IKZF5: variants seen among roughly 807,000 people sequenced by gnomAD.
IKZF5 encodes IKAROS family zinc finger 5.
In IKZF5, 4 loss-of-function variants were observed where a neutral mutation model predicts 30.7. The observed-to-expected ratio is 0.13, with a 90% CI of 0.06 to 0.30. The LOEUF is 0.30. Ranked by LOEUF, IKZF5 falls within the 10% of genes least tolerant of loss-of-function variation. The probability of loss-of-function intolerance (pLI) is 1.00; values close to 1 mark genes in which losing one functional copy is unlikely to be tolerated. For missense variants in IKZF5, 348 were observed against 525.5 expected, an observed-to-expected ratio of 0.66 and a Z score of 3.30; for synonymous variants, 148 against 179.6, an observed-to-expected ratio of 0.82 and a Z score of 1.41.
At position 122,994,299 on chromosome 10, in the gene IKZF5, CAT is replaced by C; in HGVS notation, c.739_740del (p.Met247GlyfsTer2). 6.2e-7 allele frequency: 1 copy of C among 1,614,036 alleles called. No homozygotes were observed. Among genetic ancestry groups the C allele is most frequent in the Non-Finnish European group, 8.5e-7 (1 of 1,180,002 alleles). On this transcript the variant is annotated frameshift_variant, in exon 5 of 5. Coordinates refer to ENST00000368886, the MANE Select transcript of IKZF5 (RefSeq NM_001372123.1). LOFTEE classifies it high-confidence loss of function. This position sits in a 1 kb window ranked among gnomAD's most constrained non-coding sequence, Gnocchi z 5.6. ...AGAGCTGATTCAAAGGGTTATCAACCATGAGTTCTTGGGGGTCCCTTGGAAGG... is the reference window on the plus strand; with the variant it reads ...AGAGCTGATTCAAAGGGTTATCAACCGAGTTCTTGGGGGTCCCTTGGAAGG... ...GGLPRDPQEL[M>X]VDNPLNQLST...
intron 4 of IKZF5, among the ~76,000 whole-genome samples, chr10:122,995,187 T>C (rs1849317358): frequency 1.3e-5 from 2 of 152,072 alleles, no homozygotes; most frequent in African/African-American, 4.8e-5. Flanking sequence ...TTATATGAAA[T>C]AGAAAGCTCA....
chr10:123,006,750 AC>A (rs1474445088), intron 2 of IKZF5, among the ~76,000 whole-genome samples: 1 of 152,230 alleles, frequency 6.6e-6, no homozygotes, highest in Middle Eastern at 3.2e-3. Flanking sequence ...AGATGTGTTT[AC>A]CCTCCATAGC....
chr10:123,003,244 G>T (rs1248166555), intron 2 of IKZF5, among the ~76,000 whole-genome samples: 9 of 54,328 alleles, frequency 1.7e-4, no homozygotes, highest in African/African-American at 3.1e-4. Flanking sequence ...AGACTTTTGT[G>T]GGGGGGGGGG....
chr10:123,005,791 T>TG (rs1166032489), intron 2 of IKZF5, among the ~76,000 whole-genome samples: 1 of 152,238 alleles, frequency 6.6e-6, no homozygotes, highest in African/African-American at 2.4e-5. Flanking sequence ...CCCAGATACC[T>TG]GATCTGCTGG....
intron 3 of IKZF5, 99 bp downstream of exon 3, chr10:122,998,394 A>ATT: frequency 9.9e-7 from 1 of 1,008,986 alleles, no homozygotes. Context: ...AAACAGAATG[A>ATT]TTCACATTAA....
In IKZF5 at chr10:122,994,701, A is replaced by G; in HGVS notation, c.339T>C (p.His113=). 1 of 1,605,322 alleles carries G rather than the reference A, an allele frequency of 6.2e-7. No individual in the cohort carries two copies. Among genetic ancestry groups the G allele is most frequent in the South Asian group, 1.1e-5 (1 of 89,294 alleles). The change falls in exon 5 of 5, where the codon CAT becomes CAC. Residue 113 remains histidine, a synonymous_variant. Transcript: ENST00000368886. This position sits in a 1 kb window ranked among gnomAD's most constrained non-coding sequence, Gnocchi z 5.6. ...CATAAGCAGATGCAAATGGACAAAG[A>G]TGACATCGATGAGGTTTTTCACCTG... is the stretch of plus-strand genomic sequence containing the variant. ...IHTGEKPHRC[H]LCPFASAYER...
chr10:122,997,107 AC>A (rs1849403393), intron 3 of IKZF5: 2 of 152,354 alleles, frequency 1.3e-5, no homozygotes, highest in South Asian at 4.1e-4. Flanking sequence ...TAATCTGACT[AC>A]TTTTTTGTAG....
At chr10:122,997,109 T>C (rs1405109680) in intron 3 of IKZF5, 1 of 152,214 alleles carries the variant, frequency 6.6e-6, no homozygotes, top group Non-Finnish European at 1.5e-5. Context: ...ATCTGACTAC[T>C]TTTTTGTAGA....
rs898247237 is a variant in IKZF5, at chr10:123,007,169, A to G, written c.-190T>C. The G allele has an allele frequency of 2.6e-5, 4 of 152,232 alleles. No individual in the cohort carries two copies. The highest frequency in any genetic ancestry group is 5.9e-5 in the Non-Finnish European group (4 of 68,044). The allele number at this position is 152,232 out of a possible 1,614,324, so 9.4% of individuals were successfully genotyped here. A position where few individuals can be genotyped will look rare whatever the true frequency, so the allele number is the denominator to read the frequency against. ...ATTTCAACTAAAATTGAAAAGCCAT[A>G]CAGAGGTCTGCATAAAAAACAAACA... On this transcript the variant is annotated 5_prime_UTR_variant, in exon 2 of 5. Coordinates refer to ENST00000368886, the MANE Select transcript of IKZF5 (RefSeq NM_001372123.1).
At position 123,008,776 on chromosome 10, in the gene IKZF5, G is replaced by GCCACAGTCA; in HGVS notation, c.-281_-280insTGACTGTGG. On this transcript the variant is annotated 5_prime_UTR_variant, in exon 1 of 5. Transcript: ENST00000368886. ...CGCCGTCTTCGTCACCGTCACAGTCGCCGCCGCCATCTTTGTTGTGTCTCC... is the reference window on the plus strand; with the variant it reads ...CGCCGTCTTCGTCACCGTCACAGTCGCCACAGTCACCGCCGCCATCTTTGTTGTGTCTCC... The GCCACAGTCA allele has an allele frequency of 1.6e-6, 1 of 607,726 alleles. No homozygotes were observed. Among genetic ancestry groups the GCCACAGTCA allele is most frequent in the Non-Finnish European group, 2.9e-6 (1 of 340,070 alleles). The allele number at this position is 607,726 out of a possible 1,614,324, so 37.6% of individuals were successfully genotyped here.
intron 2 of IKZF5, among the ~76,000 whole-genome samples, chr10:123,003,716 T>G (rs1279043914): frequency 1.3e-5 from 2 of 152,226 alleles, no homozygotes; most frequent in African/African-American, 4.8e-5. Flanking sequence ...ATTCCGTTAT[T>G]CCCCTTTTTC....
chr10:123,003,562 T>C lies in IKZF5; in HGVS notation c.-47+3464A>G, dbSNP rs150963672. On this transcript the variant is annotated intron_variant, in intron 2 of 4. Transcript: ENST00000368886. ...ACTTGCAGTGCTATCTTAAGTTTTA[T>C]AGGTAAGTATACATAAAGCATATTG... Among the ~76,000 whole-genome samples the C allele has an allele frequency of 2.1e-4, 32 of 152,320 alleles. No individual in the cohort carries two copies. The East Asian group carries it at 4.6e-3, about 22-fold the overall frequency.
chr10:123,007,992 T>C (rs1007513858), intron 1 of IKZF5, among the ~76,000 whole-genome samples: 1 of 152,096 alleles, frequency 6.6e-6, no homozygotes, highest in African/African-American at 2.4e-5. Context: ...ACGTGGTTAG[T>C]GTTTGCTAGA....
Position 122,994,217 on chromosome 10 carries a change from G to A in IKZF5, c.823C>T (p.Pro275Ser). ...TCATCAGGGCAGGGAACTACATCAG[G>A]GGATGCAGGGTTTTGGTTTTCGGGT... is the stretch of plus-strand genomic sequence containing the variant. Reference protein sequence around the residue: ...LPPENQNPASPDVVPCPDEKP... With the variant: ...LPPENQNPASSDVVPCPDEKP... Residue 275 changes from proline (P) to serine (S), a missense_variant, in exon 5 of 5, where the codon CCT (proline) becomes TCT (serine). Physicochemically the swap from Pro to Ser is moderately conservative, Grantham distance 74. Around this residue, in one of 4 missense-constraint regions of IKZF5, gnomAD observed 176 missense variants for 198.2 expected, o/e 0.89. Transcript: ENST00000368886. The surrounding 1 kb of genome is among the most constrained non-coding windows in gnomAD (Gnocchi z 5.6). 1.2e-6 allele frequency: 2 copies of A among 1,614,074 alleles called. No homozygotes were observed. Among genetic ancestry groups the A allele is most frequent in the Non-Finnish European group, 1.7e-6 (2 of 1,180,028 alleles).
intron 3 of IKZF5, chr10:122,997,022 C>T (rs1190385426): frequency 6.6e-6 from 1 of 152,178 alleles, no homozygotes; most frequent in Non-Finnish European, 1.5e-5. Context: ...AGGAAAGTAT[C>T]GTCCCTGATA....
At chr10:122,998,446 T>C (rs370812018) in intron 3 of IKZF5, 47 bp downstream of exon 3, 7 of 1,508,410 alleles carry the variant, frequency 4.6e-6, no homozygotes, top group Non-Finnish European at 6.4e-6. Context: ...GCAATCATAG[T>C]ACGTGTATAA....
chr10:122,999,027 A>G (rs2088960466), intron 2 of IKZF5, among the ~76,000 whole-genome samples: 3 of 152,100 alleles, frequency 2.0e-5, no homozygotes, highest in Admixed American at 6.6e-5. Context: ...ACTTGTCCCT[A>G]CAAAAAAAAG....
chr10:122,994,247 G>T lies in IKZF5; in HGVS notation c.793C>A (p.Leu265Met). The change falls in exon 5 of 5, where the codon CTG becomes ATG. Residue 265 changes from leucine to methionine, a missense_variant. Coordinates refer to ENST00000368886, the MANE Select transcript of IKZF5 (RefSeq NM_001372123.1). The surrounding 1 kb of genome is among the most constrained non-coding windows in gnomAD (Gnocchi z 5.6). ...GCAGGGTTTTGGTTTTCGGGTGGCA[G>T]ACTGGACAACTGCCCTGCTAGAGTC... Reference protein sequence around the residue: ...LSTLAGQLSSLPPENQNPASP... With the variant: ...LSTLAGQLSSMPPENQNPASP... 4.3e-6 allele frequency: 7 copies of T among 1,614,112 alleles called. No homozygotes were observed. Among genetic ancestry groups the T allele is most frequent in the Non-Finnish European group, 5.9e-6 (7 of 1,180,024 alleles).
intron 3 of IKZF5, chr10:122,998,124 G>C (rs1351838205): frequency 6.3e-6 from 1 of 158,196 alleles, no homozygotes; most frequent in East Asian, 1.8e-4. Flanking sequence ...AGAAGAAACT[G>C]AAACCCCTAT....
Sources: allele counts gnomAD v4.1 joint callset (sites outside exome capture counted in the v4.1 genomes callset), GRCh38; gene constraint gnomAD v4.1.1; regional missense constraint gnomAD v4.1.1; non-coding constraint Gnocchi (gnomAD v3.1); transcripts MANE v1.5; gene names NCBI Gene and HGNC (gene_info 2026-07-23, HGNC 2026-07-21).